Variants in CDC73 observed in about 807,000 individuals in gnomAD.
CDC73 encodes the protein cell division cycle 73.
Under a neutral mutation model 83.7 loss-of-function variants are expected in CDC73, and 21 were observed. The ratio of observed to expected loss-of-function variants is 0.25; its 90% confidence interval spans 0.18 to 0.36. The LOEUF (loss-of-function observed/expected upper bound fraction) is 0.36, where lower values mean the gene tolerates loss of function less well. Ranked by LOEUF, CDC73 falls within the 10% of genes least tolerant of loss-of-function variation. The probability of loss-of-function intolerance (pLI) is 1.00; values close to 1 mark genes in which losing one functional copy is unlikely to be tolerated. For synonymous variants in CDC73, 224 were observed against 212.9 expected (o/e 1.05, Z -0.45); for missense variants, 342 against 653.3 (o/e 0.52, Z 5.19).
chr1:193,155,741 C>T (rs750471430), intron 10 of CDC73, among the ~76,000 whole-genome samples: 8 of 152,124 alleles, frequency 5.3e-5, no homozygotes, highest in Non-Finnish European at 8.8e-5. Context: ...TATGCCACTG[C>T]ACTCCAGTCT....
intron 13 of CDC73, among the ~76,000 whole-genome samples, chr1:193,219,577 T>C (rs745707029): frequency 2.6e-5 from 4 of 152,240 alleles, no homozygotes; most frequent in East Asian, 1.9e-4. Flanking sequence ...AACAAAACCA[T>C]GTCCTTTGCA....
intron 3 of CDC73, among the ~76,000 whole-genome samples, chr1:193,132,014 C>A (rs1203611745): frequency 1.3e-5 from 2 of 152,100 alleles, no homozygotes; most frequent in African/African-American, 4.8e-5. Flanking sequence ...TTGTTAAATA[C>A]CCAGCATTTA....
At chr1:193,210,715 C>G (rs1009679852) in intron 11 of CDC73, among the ~76,000 whole-genome samples, 1 of 152,044 alleles carries the variant, frequency 6.6e-6, no homozygotes, top group Non-Finnish European at 1.5e-5. Flanking sequence ...CATTGCGAGA[C>G]CCTGTTTTTG....
At chr1:193,233,555 A>C (rs1677698774) in intron 14 of CDC73, among the ~76,000 whole-genome samples, 1 of 152,248 alleles carries the variant, frequency 6.6e-6, no homozygotes. Flanking sequence ...TTGGATAAGT[A>C]AACTTGATTT....
At chr1:193,164,125 C>A (rs1475370193) in intron 10 of CDC73, among the ~76,000 whole-genome samples, 2 of 152,186 alleles carry the variant, frequency 1.3e-5, no homozygotes, top group Non-Finnish European at 2.9e-5. Flanking sequence ...GGCAGTATTA[C>A]ATTTACATTT....
chr1:193,146,710 A>G (rs1035080262), intron 7 of CDC73, among the ~76,000 whole-genome samples: 16 of 152,218 alleles, frequency 1.1e-4, no homozygotes, highest in African/African-American at 4.8e-5. Context: ...GAGACATTCA[A>G]TCCATAGCAT....
At chr1:193,126,745 A>C (rs1007644209) in intron 2 of CDC73, among the ~76,000 whole-genome samples, 20 of 152,208 alleles carry the variant, frequency 1.3e-4, no homozygotes, top group Admixed American at 1.2e-3. Flanking sequence ...CATTTCTTAT[A>C]GTTCTTAAAA....
intron 10 of CDC73, chr1:193,181,100 G>A (rs1304972935): frequency 5.0e-6 from 8 of 1,613,864 alleles, no homozygotes; most frequent in Non-Finnish European, 5.9e-6. Context: ...GCTATTAGTA[G>A]TATTAAAAAA....
intron 2 of CDC73, chr1:193,127,729 G>C (rs1675603911): frequency 1.3e-5 from 2 of 151,760 alleles, no homozygotes; most frequent in South Asian, 4.2e-4. Context: ...TGAAAGAGTA[G>C]GATTCTAAAA....
rs550697956 is a variant in CDC73, at chr1:193,250,915, A to G, written c.*203A>G. The G allele has an allele frequency of 5.4e-6, 3 of 559,944 alleles. 1 individual carries two copies. Among genetic ancestry groups the G allele is most frequent in the South Asian group, 5.2e-5 (2 of 38,674 alleles). The allele number at this position is 559,944 out of a possible 1,614,324, so 34.7% of individuals were successfully genotyped here. Reference sequence around the variant, plus strand: ...TTTAATATTAGCCTTCTAGTCTGTAATGGAAATTGTATATTTTGATAGAAG... The same window carrying G: ...TTTAATATTAGCCTTCTAGTCTGTAGTGGAAATTGTATATTTTGATAGAAG... On this transcript the variant is annotated 3_prime_UTR_variant, in exon 17 of 17. Transcript: ENST00000367435.
intron 10 of CDC73, among the ~76,000 whole-genome samples, chr1:193,182,225 G>A (rs1257783323): frequency 1.3e-5 from 2 of 152,094 alleles, no homozygotes; most frequent in Non-Finnish European, 2.9e-5. Flanking sequence ...CCCCTACTGT[G>A]TTGAGAAAGT....
intron 10 of CDC73, among the ~76,000 whole-genome samples, chr1:193,185,309 C>T (rs189406774): frequency 6.6e-6 from 1 of 152,076 alleles, no homozygotes; most frequent in African/African-American, 2.4e-5. Context: ...CTATTGATGT[C>T]CCTTTGTTTA....
chr1:193,160,320 T>C (rs1176865312), intron 10 of CDC73, among the ~76,000 whole-genome samples: 4 of 152,104 alleles, frequency 2.6e-5, no homozygotes, highest in Non-Finnish European at 4.4e-5. Flanking sequence ...TACTAATAAT[T>C]TTTAGTAATA....
At chr1:193,191,612 C>T (rs1425934098) in intron 10 of CDC73, among the ~76,000 whole-genome samples, 1 of 152,104 alleles carries the variant, frequency 6.6e-6, no homozygotes, top group Non-Finnish European at 1.5e-5. Context: ...TCTCAAACTC[C>T]TAACCTCAAG....
intron 10 of CDC73, chr1:193,179,883 GAT>G (rs947551385): frequency 2.0e-5 from 3 of 152,784 alleles, no homozygotes; most frequent in African/African-American, 7.2e-5. Context: ...AATTGATAGT[GAT>G]GTTTTATTTA....
intron 10 of CDC73, among the ~76,000 whole-genome samples, chr1:193,161,560 C>T (rs866848639): frequency 7.3e-5 from 9 of 123,348 alleles, no homozygotes; most frequent in South Asian, 2.3e-4. Context: ...TTTATACACA[C>T]GCATATATAT....
chr1:193,181,395 T>G (rs1676713957), intron 10 of CDC73: 2 of 1,613,942 alleles, frequency 1.2e-6, no homozygotes, highest in Admixed American at 1.7e-5. Flanking sequence ...CAGGGTTTTC[T>G]TTGAATCCAG....
intron 10 of CDC73, among the ~76,000 whole-genome samples, chr1:193,199,761 G>T (rs1281536266): frequency 2.7e-5 from 4 of 150,790 alleles, no homozygotes; most frequent in Non-Finnish European, 5.9e-5. Flanking sequence ...TCTAATCTTT[G>T]GGAATTCTAA....
Position 193,130,216 on chromosome 1 carries a change from C to T in CDC73, c.280C>T (p.Leu94=), listed in dbSNP as rs747811573. The part of the protein sequence containing the change: ...PVVRRPDRKD[L]LGYLNGEAST... The stretch of plus-strand genomic sequence containing the variant: ...GGTTAGAAGACCTGATCGAAAAGAT[C>T]TACTTGGATATCTCAATGGTGAAGC... The change falls in exon 3 of 17, where the codon CTA becomes TTA. Residue 94 remains leucine, a synonymous_variant. Coordinates refer to ENST00000367435, the MANE Select transcript of CDC73 (RefSeq NM_024529.5). 30 of 1,604,652 alleles carry T rather than the reference C, an allele frequency of 1.9e-5. No individual in the cohort carries two copies. Among genetic ancestry groups the T allele is most frequent in the Non-Finnish European group, 2.5e-5 (29 of 1,171,890 alleles).
Sources: gnomAD v4.1 joint callset for allele counts (sites outside exome capture counted in the v4.1 genomes callset) on GRCh38, gnomAD v4.1.1 for gene constraint, MANE v1.5 for transcripts, NCBI Gene and HGNC (gene_info 2026-07-23, HGNC 2026-07-21) for gene names.